NEDD4L: variants seen among roughly 807,000 people sequenced by gnomAD.
NEDD4L encodes E3 ubiquitin-protein ligase NEDD4-like.
NEDD4L carries 54 observed loss-of-function variants against 148.9 expected under a neutral mutation model. That is an observed-to-expected ratio of 0.36 (90% CI 0.29 to 0.45). NEDD4L has a LOEUF of 0.45. Among genes scored for constraint, NEDD4L ranks in the 20% least tolerant of loss-of-function variants. The probability of loss-of-function intolerance (pLI) is 1.00; values close to 1 mark genes in which losing one functional copy is unlikely to be tolerated. For synonymous variants in NEDD4L, 433 were observed against 440.7 expected (o/e 0.98, Z 0.22); for missense variants, 856 against 1,233.8 (o/e 0.69, Z 4.59).
In NEDD4L at chr18:58,396,368, C is replaced by A; in HGVS notation, c.*99C>A. ...TTGCAGAGGCGATGGCAGAGAGCAG[C>A]TGCAGGCATGGTCCCTGGAGCCGAG... On this transcript the variant is annotated 3_prime_UTR_variant, in exon 31 of 31. Transcript: ENST00000400345. The A allele has an allele frequency of 1.3e-6, 1 of 780,798 alleles. No homozygotes were observed. Among genetic ancestry groups the A allele is most frequent in the Non-Finnish European group, 2.2e-6 (1 of 459,636 alleles). The allele number at this position is 780,798 out of a possible 1,614,324, so 48.4% of individuals were successfully genotyped here. A position where few individuals can be genotyped will look rare whatever the true frequency, so the allele number is the denominator to read the frequency against.
chr18:58,239,436 G>A lies in NEDD4L; in HGVS notation c.123-5991G>A, dbSNP rs1446844726. Among the ~76,000 whole-genome samples the A allele has an allele frequency of 2.6e-5, 4 of 152,184 alleles. 1 individual carries two copies. In the East Asian group the frequency reaches 7.7e-4, roughly 29 times the overall value. On this transcript the variant is annotated intron_variant, in intron 2 of 30. Transcript: ENST00000400345. ...ACAAGGCAGGGTGTCATTGCAATCT[G>A]GCTGCAGACTGAATGTAATCCCCCT... is the stretch of plus-strand genomic sequence containing the variant.
At chr18:58,231,857 C>T (rs2045282861) in intron 2 of NEDD4L, among the ~76,000 whole-genome samples, 1 of 152,164 alleles carries the variant, frequency 6.6e-6, no homozygotes, top group Admixed American at 6.5e-5. Flanking sequence ...AGCCACTGTG[C>T]CTGGCCAACA....
chr18:58,157,549 T>C (rs2035660233), intron 1 of NEDD4L, among the ~76,000 whole-genome samples: 1 of 152,126 alleles, frequency 6.6e-6, no homozygotes, highest in Non-Finnish European at 1.5e-5. Flanking sequence ...ATTGTCATTC[T>C]TTTTGGATTT....
chr18:58,394,699 A>T (rs961190424), intron 30 of NEDD4L, among the ~76,000 whole-genome samples: 1 of 152,208 alleles, frequency 6.6e-6, no homozygotes, highest in Non-Finnish European at 1.5e-5. Context: ...CTGTTAGAGA[A>T]TCCAAGTGGA....
At chr18:58,160,620 A>G (rs1387190360) in intron 1 of NEDD4L, among the ~76,000 whole-genome samples, 1 of 152,258 alleles carries the variant, frequency 6.6e-6, no homozygotes, top group Non-Finnish European at 1.5e-5. Flanking sequence ...TATCACACAT[A>G]GATTTTATGA....
intron 1 of NEDD4L, among the ~76,000 whole-genome samples, chr18:58,082,330 ACTT>A (rs1191880703): frequency 2.1e-5 from 3 of 146,224 alleles, no homozygotes; most frequent in African/African-American, 7.5e-5. Flanking sequence ...CTGGGCTCGA[ACTT>A]CTGACCTCGT....
chr18:58,346,486 G>T (rs2043087938), intron 16 of NEDD4L, among the ~76,000 whole-genome samples: 1 of 152,194 alleles, frequency 6.6e-6, no homozygotes, highest in Non-Finnish European at 1.5e-5. Flanking sequence ...TAGCAAGAAA[G>T]ATTACACCCT....
chr18:58,264,512 G>T (rs1018237157), intron 5 of NEDD4L, among the ~76,000 whole-genome samples: 1 of 152,096 alleles, frequency 6.6e-6, no homozygotes, highest in East Asian at 1.9e-4. Flanking sequence ...CATAATAGTT[G>T]TACCTGTTTA....
intron 1 of NEDD4L, among the ~76,000 whole-genome samples, chr18:58,151,625 A>ATGTGTGTGTGTGTCTGTG: frequency 7.1e-6 from 1 of 141,080 alleles, no homozygotes; most frequent in Middle Eastern, 3.5e-3. Flanking sequence ...GTGCCTGGAT[A>ATGTGTGTGTGTGTCTGTG]TGTGTGTGTG....
In NEDD4L at chr18:58,274,332, G is replaced by A. The variant is rs115308494; in HGVS notation, c.297+22278G>A. Among the ~76,000 whole-genome samples the A allele has an allele frequency of 3.3e-3, 506 of 152,304 alleles. 8 individuals are homozygous for A. Among genetic ancestry groups the A allele is most frequent in the African/African-American group, 0.012 (479 of 41,554 alleles). On this transcript the variant is annotated intron_variant, in intron 5 of 30. Transcript: ENST00000400345. ...TAGTGACGTATAACCAAAAGAGAGA[G>A]TGTACTTAACATTTAGTCCTGGGAG...
Position 58,401,118 on chromosome 18 carries a change from A to G in NEDD4L, c.*4849A>G, listed in dbSNP as rs1402990601. 1 of 152,172 alleles carries G rather than the reference A, an allele frequency of 6.6e-6. No individual in the cohort carries two copies. The highest frequency in any genetic ancestry group is 1.5e-5 in the Non-Finnish European group (1 of 68,032). 9.4% of individuals were successfully genotyped at this position (152,172 alleles called of 1,614,324 possible). A position where few individuals can be genotyped will look rare whatever the true frequency, so the allele number is the denominator to read the frequency against. ...GCTGTCATTTCCTAATTCAGGATCT[A>G]TCATCAAATGAAACATGAAAAAAAC... On this transcript the variant is annotated 3_prime_UTR_variant, in exon 31 of 31. Coordinates refer to ENST00000400345, the MANE Select transcript of NEDD4L (RefSeq NM_001144967.3).
intron 1 of NEDD4L, among the ~76,000 whole-genome samples, chr18:58,095,886 G>A (rs992474746): frequency 2.0e-5 from 3 of 151,850 alleles, no homozygotes; most frequent in Non-Finnish European, 4.4e-5. Flanking sequence ...ACACAAATTC[G>A]TAAGCATTCT....
intron 1 of NEDD4L, among the ~76,000 whole-genome samples, chr18:58,068,500 A>G (rs2082721309): frequency 6.6e-6 from 1 of 152,162 alleles, no homozygotes; most frequent in South Asian, 2.1e-4. Flanking sequence ...CTCACAGCCG[A>G]ACTCCTAGAA....
At chr18:58,061,115 G>A (rs1306915722) in intron 1 of NEDD4L, among the ~76,000 whole-genome samples, 1 of 152,186 alleles carries the variant, frequency 6.6e-6, no homozygotes, top group African/African-American at 2.4e-5. Flanking sequence ...CATCTAGAAG[G>A]TGGAGGCCAG....
intron 24 of NEDD4L, among the ~76,000 whole-genome samples, chr18:58,379,033 G>A (rs2047969331): frequency 6.6e-6 from 1 of 152,230 alleles, no homozygotes; most frequent in South Asian, 2.1e-4. Context: ...TGCTGTGGCT[G>A]GGCATTGTGT....
At chr18:58,291,726 T>C (rs2054794025) in intron 5 of NEDD4L, among the ~76,000 whole-genome samples, 1 of 152,216 alleles carries the variant, frequency 6.6e-6, no homozygotes, top group African/African-American at 2.4e-5. Flanking sequence ...ATGAAACTAA[T>C]TAAGGACAAA....
chr18:58,071,845 C>T (rs1415456884), intron 1 of NEDD4L, among the ~76,000 whole-genome samples: 1 of 152,176 alleles, frequency 6.6e-6, no homozygotes, highest in African/African-American at 2.4e-5. Context: ...ATTTATAAAA[C>T]CATCAGATCT....
intron 1 of NEDD4L, chr18:58,045,371 T>A (rs753881400): frequency 1.0e-5 from 4 of 383,256 alleles, no homozygotes; most frequent in Non-Finnish European, 1.8e-5. Context: ...AGCCCTGCCA[T>A]TTTTTCCTCC....
chr18:58,159,119 A>G (rs1300972320), intron 1 of NEDD4L, among the ~76,000 whole-genome samples: 4 of 152,034 alleles, frequency 2.6e-5, no homozygotes, highest in African/African-American at 9.7e-5. Context: ...TGTAGCGGGA[A>G]GGCGTTGGTG....
Sources: allele counts gnomAD v4.1 joint callset (sites outside exome capture counted in the v4.1 genomes callset), GRCh38; gene constraint gnomAD v4.1.1; transcripts MANE v1.5; gene names NCBI Gene and HGNC (gene_info 2026-07-23, HGNC 2026-07-21).